RABGAP1L: variants seen among roughly 807,000 people sequenced by gnomAD.
RABGAP1L encodes RAB GTPase activating protein 1 like.
Under a neutral mutation model 137.7 loss-of-function variants are expected in RABGAP1L, and 63 were observed. The ratio of observed to expected loss-of-function variants is 0.46; its 90% CI spans 0.37 to 0.56. RABGAP1L has a LOEUF of 0.56. RABGAP1L is among the 20% of genes least tolerant of loss of function. RABGAP1L has a pLI of 0.00. For synonymous variants in RABGAP1L, 431 were observed against 433.7 expected, an observed-to-expected ratio of 0.99 and a Z score of 0.08; for missense variants, 1,095 against 1,244.0, an observed-to-expected ratio of 0.88 and a Z score of 1.80.
At position 174,957,548 on chromosome 1, in the gene RABGAP1L, A is replaced by T; in HGVS notation, c.2432A>T (p.Lys811Met). Reference sequence around the variant, plus strand: ...CAGGAAGACCCAATGGATAGATACAAGGTATGAGAAATATGTTGCACCTAT... The same window carrying T: ...CAGGAAGACCCAATGGATAGATACATGGTATGAGAAATATGTTGCACCTAT... Reference protein sequence around the residue: ...LQQEDPMDRYKRENRRLQEAS... With the variant: ...LQQEDPMDRYMRENRRLQEAS... Residue 811 changes from lysine (K) to methionine (M), a missense_variant and splice_region_variant, in exon 20 of 26, where the codon AAG becomes ATG. Physicochemically the swap from Lys to Met is moderately conservative, Grantham distance 95 (BLOSUM62 -1). Coordinates refer to ENST00000681986, the MANE Select transcript of RABGAP1L (RefSeq NM_001366446.1). The T allele has an allele frequency of 1.3e-6, 2 of 1,597,446 alleles. No individual in the cohort carries two copies. Among genetic ancestry groups the T allele is most frequent in the Non-Finnish European group, 1.7e-6 (2 of 1,165,022 alleles).
intron 19 of RABGAP1L, among the ~76,000 whole-genome samples, chr1:174,932,015 G>A (rs12095395): frequency 5.5e-5 from 1 of 18,214 alleles, no homozygotes; most frequent in East Asian, 1.7e-3. Flanking sequence ...TTTTTTTTTT[G>A]CCTGTCCAGT....
chr1:174,929,205 A>G (rs866199817), intron 19 of RABGAP1L, among the ~76,000 whole-genome samples: 5 of 152,158 alleles, frequency 3.3e-5, no homozygotes, highest in African/African-American at 1.2e-4. Flanking sequence ...CCTAGAACTT[A>G]AAATACAATA....
intron 21 of RABGAP1L, among the ~76,000 whole-genome samples, chr1:174,971,573 C>G (rs1670136173): frequency 2.0e-5 from 3 of 149,782 alleles, no homozygotes; most frequent in Admixed American, 1.3e-4. Flanking sequence ...AGCTTTTTAT[C>G]TAGATGAAAG....
chr1:174,469,766 A>C (rs1020859021), intron 13 of RABGAP1L, among the ~76,000 whole-genome samples: 1 of 152,186 alleles, frequency 6.6e-6, no homozygotes. Context: ...GGAACAAAAC[A>C]AGAACATCAA....
At chr1:174,170,386 A>G (rs1260942807) in intron 1 of RABGAP1L, among the ~76,000 whole-genome samples, 3 of 152,110 alleles carry the variant, frequency 2.0e-5, no homozygotes, top group Non-Finnish European at 2.9e-5. Flanking sequence ...TAACTTACCT[A>G]AGATCACATA....
intron 1 of RABGAP1L, among the ~76,000 whole-genome samples, chr1:174,167,828 A>G (rs775342762): frequency 6.6e-6 from 1 of 152,240 alleles, no homozygotes; most frequent in Non-Finnish European, 1.5e-5. Context: ...TTTATAAACT[A>G]CATGGAGTGT....
chr1:174,206,158 T>A (rs1276442466), intron 1 of RABGAP1L, among the ~76,000 whole-genome samples: 2 of 152,234 alleles, frequency 1.3e-5, no homozygotes, highest in African/African-American at 4.8e-5. Flanking sequence ...TTGACATTTT[T>A]ATAAAAGCTA....
At chr1:174,350,162 T>C (rs1262236575) in intron 11 of RABGAP1L, among the ~76,000 whole-genome samples, 477 of 95,854 alleles carry the variant, frequency 5.0e-3, no homozygotes, top group African/African-American at 0.017. Context: ...CCCTCCCGGA[T>C]GGGGCGGCTG....
chr1:174,782,040 G>A (rs1687053222), intron 18 of RABGAP1L, among the ~76,000 whole-genome samples: 1 of 152,280 alleles, frequency 6.6e-6, no homozygotes, highest in Non-Finnish European at 1.5e-5. Context: ...GATTGACTTG[G>A]CGATGCGGGC....
At chr1:174,638,955 G>A (rs1674298154) in intron 14 of RABGAP1L, among the ~76,000 whole-genome samples, 1 of 144,846 alleles carries the variant, frequency 6.9e-6, no homozygotes, top group Non-Finnish European at 1.5e-5. Context: ...GTTAGTGGGT[G>A]CAGCGCACCA....
chr1:174,623,603 G>T (rs937875457), intron 13 of RABGAP1L, among the ~76,000 whole-genome samples: 2 of 152,198 alleles, frequency 1.3e-5, no homozygotes, highest in Non-Finnish European at 2.9e-5. Context: ...TCTGGCATCA[G>T]TGTTTGATAA....
At chr1:174,477,331 AGTT>A (rs1658606571) in intron 13 of RABGAP1L, among the ~76,000 whole-genome samples, 1 of 152,114 alleles carries the variant, frequency 6.6e-6, no homozygotes, top group Non-Finnish European at 1.5e-5. Context: ...AGCATCTTGG[AGTT>A]GTTCTCTTCT....
rs1468998920 is a variant in RABGAP1L, at chr1:174,275,851, T to C, written c.1072T>C (p.Tyr358His). Residue 358 changes from tyrosine to histidine, a missense_variant, in exon 9 of 26, where the codon TAT (tyrosine) becomes CAT (histidine). Tyr to His is a moderately conservative substitution (Grantham distance 83). Coordinates refer to ENST00000681986, the MANE Select transcript of RABGAP1L (RefSeq NM_001366446.1). ...LLDMESMGKS[Y>H]DGRAYVITGM... Reference sequence around the variant, plus strand: ...TTTATAGGAATCCATGGGAAAGAGCTATGATGGGAGAGCTTATGTCATCAC... The same window carrying C: ...TTTATAGGAATCCATGGGAAAGAGCCATGATGGGAGAGCTTATGTCATCAC... 6.2e-7 allele frequency: 1 copy of C among 1,612,158 alleles called. No individual in the cohort carries two copies. Among genetic ancestry groups the C allele is most frequent in the African/African-American group, 1.3e-5 (1 of 74,956 alleles).
chr1:174,813,072 T>C (rs1343667850), intron 19 of RABGAP1L, among the ~76,000 whole-genome samples: 2 of 152,224 alleles, frequency 1.3e-5, no homozygotes, highest in East Asian at 3.8e-4. Flanking sequence ...CAGGGAGCTC[T>C]TGCAGGGTTT....
intron 13 of RABGAP1L, among the ~76,000 whole-genome samples, chr1:174,426,307 C>A (rs1047241655): frequency 3.9e-5 from 6 of 152,038 alleles, no homozygotes; most frequent in African/African-American, 1.4e-4. Context: ...TAACTAGATT[C>A]TCTCACATTT....
intron 13 of RABGAP1L, among the ~76,000 whole-genome samples, chr1:174,527,893 A>G (rs1298071391): frequency 7.4e-6 from 1 of 135,748 alleles, no homozygotes; most frequent in Non-Finnish European, 1.5e-5. Context: ...TTATCATTAT[A>G]TACTTGTCTT....
intron 13 of RABGAP1L, chr1:174,548,366 A>T: frequency 9.5e-7 from 1 of 1,055,228 alleles, no homozygotes; most frequent in Non-Finnish European, 1.2e-6. Context: ...CTTACTTTAA[A>T]AGTCCTGTCT....
At chr1:174,877,607 T>G (rs1358684623) in intron 19 of RABGAP1L, 2 of 1,612,432 alleles carry the variant, frequency 1.2e-6, no homozygotes, top group Non-Finnish European at 1.7e-6. Context: ...AGGTCTATGG[T>G]AGGTGGTGCC....
At chr1:174,629,900 T>G (rs1572595942) in intron 13 of RABGAP1L, among the ~76,000 whole-genome samples, 1 of 152,136 alleles carries the variant, frequency 6.6e-6, no homozygotes, top group Non-Finnish European at 1.5e-5. Context: ...ATATGGAAGG[T>G]CAAGTGTGCA....
Sources: allele counts gnomAD v4.1 joint callset (sites outside exome capture counted in the v4.1 genomes callset), GRCh38; gene constraint gnomAD v4.1.1; transcripts MANE v1.5; gene names NCBI Gene and HGNC (gene_info 2026-07-23, HGNC 2026-07-21).